TMC1: variants seen among roughly 807,000 people sequenced by gnomAD.
The protein encoded by TMC1 is transmembrane channel like 1, also known as transmembrane channel-like protein 1.
Under a neutral mutation model 105.8 loss-of-function variants are expected in TMC1, and 84 were observed. That is an observed-to-expected ratio of 0.79 (90% CI 0.67 to 0.95). The LOEUF (loss-of-function observed/expected upper bound fraction) is 0.95, where lower values mean the gene tolerates loss of function less well. Among genes scored for constraint, TMC1 ranks in the 40% least tolerant of loss-of-function variants. The pLI is 0.00. For missense variants in TMC1, 817 were observed against 914.1 expected, an observed-to-expected ratio of 0.89 and a Z score of 1.37; for synonymous variants, 315 against 311.5, an observed-to-expected ratio of 1.01 and a Z score of -0.12.
intron 1 of TMC1, among the ~76,000 whole-genome samples, chr9:72,532,834 A>G (rs979628365): frequency 5.9e-5 from 9 of 152,338 alleles, no homozygotes; most frequent in African/African-American, 2.2e-4. Flanking sequence ...TGCTGATGAG[A>G]CTAAATTTTC....
In TMC1 at chr9:72,650,667, C is replaced by G. The variant is rs568980053; in HGVS notation, c.16+2003C>G. Among the ~76,000 whole-genome samples the G allele has an allele frequency of 1.2e-3, 188 of 151,710 alleles. 1 individual carries two copies. Among genetic ancestry groups the G allele is most frequent in the African/African-American group, 4.3e-3 (177 of 41,356 alleles). ...CCCCTCCCTCATTCTATCCTCCCCC[C>G]TCACATAGACCCCAGGGTCTGTTGT... On this transcript the variant is annotated intron_variant, in intron 5 of 23. Transcript: ENST00000297784.
At chr9:72,604,888 T>G (rs1289117842) in intron 2 of TMC1, among the ~76,000 whole-genome samples, 1 of 152,220 alleles carries the variant, frequency 6.6e-6, no homozygotes, top group Non-Finnish European at 1.5e-5. Context: ...GAATAATATG[T>G]GTTTCCAAAT....
chr9:72,763,936 G>C (rs568921907), intron 12 of TMC1, among the ~76,000 whole-genome samples: 1 of 152,274 alleles, frequency 6.6e-6, no homozygotes, highest in South Asian at 2.1e-4. Context: ...ATATGACTAG[G>C]TTAGAGACTA....
intron 17 of TMC1, among the ~76,000 whole-genome samples, chr9:72,794,419 G>A (rs1406556350): frequency 6.6e-6 from 1 of 152,126 alleles, no homozygotes; most frequent in African/African-American, 2.4e-5. Flanking sequence ...CGGCAACACA[G>A]GGGAGCCTCA....
intron 5 of TMC1, among the ~76,000 whole-genome samples, chr9:72,660,650 A>G (rs1021563723): frequency 1.3e-5 from 2 of 152,196 alleles, no homozygotes; most frequent in African/African-American, 4.8e-5. Context: ...CTAGGTTTTC[A>G]TATCTTTATG....
intron 8 of TMC1, among the ~76,000 whole-genome samples, chr9:72,733,207 G>A (rs1464909988): frequency 6.6e-6 from 1 of 151,732 alleles, no homozygotes. Flanking sequence ...AAGAGAAATT[G>A]AGAGAGATAG....
At chr9:72,693,506 A>G (rs930073464) in intron 6 of TMC1, among the ~76,000 whole-genome samples, 1 of 152,180 alleles carries the variant, frequency 6.6e-6, no homozygotes, top group Admixed American at 6.5e-5. Flanking sequence ...ATGGTTATGT[A>G]TAATTTTCAA....
chr9:72,702,652 A>G (rs1033198568), intron 8 of TMC1, among the ~76,000 whole-genome samples: 5 of 152,062 alleles, frequency 3.3e-5, no homozygotes, highest in Non-Finnish European at 5.9e-5. Context: ...CCTAGTCACA[A>G]TCAGACCCCA....
intron 1 of TMC1, among the ~76,000 whole-genome samples, chr9:72,534,974 T>A (rs1274288839): frequency 6.6e-6 from 1 of 152,064 alleles, no homozygotes; most frequent in South Asian, 2.1e-4. Flanking sequence ...TTCAAATATA[T>A]CTATTATCTA....
intron 23 of TMC1, among the ~76,000 whole-genome samples, chr9:72,834,997 C>T (rs1326495392): frequency 3.9e-5 from 6 of 152,116 alleles, no homozygotes; most frequent in Non-Finnish European, 8.8e-5. Context: ...CTGTCTTTTT[C>T]CTCCCCTGGC....
At chr9:72,602,065 G>C (rs967618776) in intron 2 of TMC1, among the ~76,000 whole-genome samples, 1 of 152,126 alleles carries the variant, frequency 6.6e-6, no homozygotes, top group Non-Finnish European at 1.5e-5. Context: ...GTGAGGTCAG[G>C]TGTGGAATTT....
At chr9:72,652,412 G>C (rs1243268944) in intron 5 of TMC1, among the ~76,000 whole-genome samples, 1 of 152,140 alleles carries the variant, frequency 6.6e-6, no homozygotes. Flanking sequence ...AGGGAAGATG[G>C]CTAGATGGCT....
At chr9:72,638,134 G>A (rs1825565070) in intron 4 of TMC1, among the ~76,000 whole-genome samples, 1 of 151,998 alleles carries the variant, frequency 6.6e-6, no homozygotes, top group Admixed American at 6.6e-5. Flanking sequence ...CTGGTCTCCT[G>A]TCTGAAACAT....
At chr9:72,743,419 T>C (rs1827429978) in intron 10 of TMC1, among the ~76,000 whole-genome samples, 1 of 148,156 alleles carries the variant, frequency 6.7e-6, no homozygotes, top group Admixed American at 6.7e-5. Flanking sequence ...GTACAAAAAA[T>C]TAGCCAGGCC....
intron 1 of TMC1, among the ~76,000 whole-genome samples, chr9:72,551,745 A>G (rs1823863018): frequency 6.6e-6 from 1 of 152,162 alleles, no homozygotes; most frequent in Admixed American, 6.5e-5. Context: ...TTACAGATGT[A>G]ATCAAATTAA....
chr9:72,797,867 T>C (rs1041369391), intron 17 of TMC1, among the ~76,000 whole-genome samples: 7 of 152,100 alleles, frequency 4.6e-5, no homozygotes, highest in Non-Finnish European at 1.5e-5. Flanking sequence ...AATTAACAAA[T>C]GGGATCTAAC....
intron 2 of TMC1, among the ~76,000 whole-genome samples, chr9:72,583,442 G>A (rs1824504041): frequency 6.6e-6 from 1 of 152,088 alleles, no homozygotes; most frequent in African/African-American, 2.4e-5. Context: ...CTTTTGCTCT[G>A]CCTCTTTCCA....
intron 5 of TMC1, among the ~76,000 whole-genome samples, chr9:72,683,345 A>G (rs1354106694): frequency 1.3e-5 from 2 of 152,094 alleles, no homozygotes; most frequent in Non-Finnish European, 2.9e-5. Context: ...ATACATATAC[A>G]TGCATACACA....
intron 2 of TMC1, among the ~76,000 whole-genome samples, chr9:72,584,872 C>A (rs1413464811): frequency 6.9e-6 from 1 of 145,140 alleles, no homozygotes; most frequent in African/African-American, 2.6e-5. Context: ...GCATCCTCCG[C>A]CGCCTGGGTT....
Sources: gnomAD v4.1 joint callset for allele counts (sites outside exome capture counted in the v4.1 genomes callset) on GRCh38, gnomAD v4.1.1 for gene constraint, MANE v1.5 for transcripts, NCBI Gene and HGNC (gene_info 2026-07-23, HGNC 2026-07-21) for gene names.